STX11: variants seen among roughly 807,000 people sequenced by gnomAD.
The protein encoded by STX11 is syntaxin-11.
Under a neutral mutation model 19.9 loss-of-function variants are expected in STX11, and 21 were observed. The ratio of observed to expected loss-of-function variants is 1.06; its 90% CI spans 0.75 to 1.52. The LOEUF is 1.52. Ranked by LOEUF, STX11 falls within the 40% of genes most tolerant of loss-of-function variation. The pLI, the probability that STX11 is intolerant of heterozygous loss-of-function variation, is 0.00. For missense variants in STX11, 438 were observed against 405.9 expected (o/e 1.08, Z -0.68); for synonymous variants, 193 against 174.4 (o/e 1.11, Z -0.84).
chr6:144,149,180 A>T (rs373843366), upstream of STX11, among the ~76,000 whole-genome samples: 2 of 152,104 alleles, frequency 1.3e-5, no homozygotes, highest in Non-Finnish European at 2.9e-5. This position sits in a 1 kb window ranked among gnomAD's most constrained non-coding sequence, Gnocchi z 5.1. Context: ...TCCACATTGT[A>T]CTATTTTGGA....
chr6:144,187,151 A>C lies in STX11; in HGVS notation c.524A>C (p.Asp175Ala). Residue 175 changes from aspartate (D) to alanine (A), a missense_variant, in exon 2 of 2, where the codon GAC (aspartate) becomes GCC (alanine). Physicochemically the swap from Asp to Ala is moderately radical, Grantham distance 126. Coordinates refer to ENST00000367568, the MANE Select transcript of STX11 (RefSeq NM_003764.4). The surrounding 1 kb of genome is among the most constrained non-coding windows in gnomAD (Gnocchi z 5.6). ...LEIMGKEVSGDQIEDMFEQGK... is the reference protein window; with the variant it reads ...LEIMGKEVSGAQIEDMFEQGK... ...ATCATGGGCAAGGAAGTCTCGGGCGACCAGATCGAGGACATGTTCGAGCAG... is the reference window on the plus strand; with the variant it reads ...ATCATGGGCAAGGAAGTCTCGGGCGCCCAGATCGAGGACATGTTCGAGCAG... 6.2e-7 allele frequency: 1 copy of C among 1,613,972 alleles called. No homozygotes were observed. Among genetic ancestry groups the C allele is most frequent in the Non-Finnish European group, 8.5e-7 (1 of 1,180,000 alleles).
chr6:144,162,464 A>G lies in STX11; in HGVS notation c.-6+11761A>G, dbSNP rs1345122795. 6.6e-6 allele frequency among the ~76,000 whole-genome samples: 1 copy of G among 152,200 alleles called. No individual in the cohort carries two copies. The highest frequency in any genetic ancestry group is 1.5e-5 in the Non-Finnish European group (1 of 68,042). On this transcript the variant is annotated intron_variant, in intron 1 of 1. Transcript: ENST00000367568. The surrounding 1 kb of genome is among the most constrained non-coding windows in gnomAD (Gnocchi z 4.6). ...AAAGTTCCTTTAGTGGAGTTTTGGA[A>G]GGGAGCAAAAGTAATGTTCAATTTG...
intron 1 of STX11, among the ~76,000 whole-genome samples, chr6:144,166,253 G>A (rs188568076): frequency 2.0e-5 from 3 of 152,258 alleles, no homozygotes; most frequent in East Asian, 3.9e-4. Context: ...GATGTTCAAC[G>A]TATATGTAAT....
Position 144,151,051 on chromosome 6 carries a change from C to A in STX11, c.-6+348C>A, listed in dbSNP as rs1051270238. 2.6e-5 allele frequency among the ~76,000 whole-genome samples: 4 copies of A among 152,120 alleles called. No homozygotes were observed. Among genetic ancestry groups the A allele is most frequent in the Non-Finnish European group, 5.9e-5 (4 of 68,018 alleles). On this transcript the variant is annotated intron_variant, in intron 1 of 1. Transcript: ENST00000367568. The surrounding 1 kb of genome is among the most constrained non-coding windows in gnomAD (Gnocchi z 4.6). Reference sequence around the variant, plus strand: ...ACCCAAGACTACTTTTATTTTAAATCGAAAGGCTGGAGTGTTTTTTTATTA... The same window carrying A: ...ACCCAAGACTACTTTTATTTTAAATAGAAAGGCTGGAGTGTTTTTTTATTA...
intron 1 of STX11, among the ~76,000 whole-genome samples, chr6:144,164,450 AT>A (rs570703891): frequency 6.2e-4 from 94 of 152,342 alleles, no homozygotes; most frequent in Non-Finnish European, 9.8e-4. Flanking sequence ...CTGATAGTCT[AT>A]TCACAAGAGA....
chr6:144,148,081 C>G (rs75864894), upstream of STX11, among the ~76,000 whole-genome samples: 1 of 152,124 alleles, frequency 6.6e-6, no homozygotes, highest in African/African-American at 2.4e-5. Flanking sequence ...CTCAACAAAA[C>G]GGTAGATTAA....
In STX11 at chr6:144,174,696, AGT is replaced by A. The variant is rs1292708508; in HGVS notation, c.-5-11926_-5-11925del. Among the ~76,000 whole-genome samples, 1 of 152,174 alleles carries A rather than the reference AGT, an allele frequency of 6.6e-6. No individual in the cohort carries two copies. The highest frequency in any genetic ancestry group is 2.1e-4 in the South Asian group (1 of 4,836). On this transcript the variant is annotated intron_variant, in intron 1 of 1. Transcript: ENST00000367568. This position sits in a 1 kb window ranked among gnomAD's most constrained non-coding sequence, Gnocchi z 5.3. ...GTTTTTTTTGCACCCTTTCACAAAG[AGT>A]ATGTACAAATTCAAGGGGAAAGAAT... is the stretch of plus-strand genomic sequence containing the variant.
intron 1 of STX11, among the ~76,000 whole-genome samples, chr6:144,171,080 G>A (rs1761339734): frequency 6.6e-6 from 1 of 152,156 alleles, no homozygotes; most frequent in South Asian, 2.1e-4. Flanking sequence ...TGCCCTAACT[G>A]CTGAGAACCC....
Position 144,151,159 on chromosome 6 carries a change from C to A in STX11, c.-6+456C>A. The A allele has an allele frequency of 1.2e-6, 1 of 868,180 alleles. No homozygotes were observed. Among genetic ancestry groups the A allele is most frequent in the Non-Finnish European group, 1.4e-6 (1 of 722,972 alleles). The allele number at this position is 868,180 out of a possible 1,614,324, so 53.8% of individuals were successfully genotyped here. A position where few individuals can be genotyped will look rare whatever the true frequency, so the allele number is the denominator to read the frequency against. On this transcript the variant is annotated intron_variant, in intron 1 of 1. Transcript: ENST00000367568. The surrounding 1 kb of genome is among the most constrained non-coding windows in gnomAD (Gnocchi z 4.6). Reference sequence around the variant, plus strand: ...TTGACTTGAACTTGGCGGTGTCACTCAGTAGCCAGGAAAGACGGAGAAATT... The same window carrying A: ...TTGACTTGAACTTGGCGGTGTCACTAAGTAGCCAGGAAAGACGGAGAAATT...
the STX11 span, among the ~76,000 whole-genome samples, chr6:144,140,214 ATATATATATATATATAT>A: frequency 5.1e-3 from 432 of 85,124 alleles, 14 homozygotes; most frequent in African/African-American, 0.013. Flanking sequence ...ATTCACATAT[ATATATATATATATATAT>A]ATATATATAT....
At position 144,187,535 on chromosome 6, in the gene STX11, G is replaced by A. The variant is rs777687041; in HGVS notation, c.*44G>A. 8.7e-6 allele frequency: 14 copies of A among 1,610,778 alleles called. No homozygotes were observed. Among genetic ancestry groups the A allele is most frequent in the African/African-American group, 2.7e-5 (2 of 74,870 alleles). On this transcript the variant is annotated 3_prime_UTR_variant, in exon 2 of 2. Transcript: ENST00000367568. This position sits in a 1 kb window ranked among gnomAD's most constrained non-coding sequence, Gnocchi z 5.6. The stretch of plus-strand genomic sequence containing the variant: ...CACCGCCCATCCCAGACCATGGAGC[G>A]CGCTGGGAAGGACGCACCAAAGCCG...
intron 1 of STX11, among the ~76,000 whole-genome samples, chr6:144,178,496 C>T (rs1271781024): frequency 1.3e-5 from 2 of 152,204 alleles, no homozygotes; most frequent in Non-Finnish European, 2.9e-5. Context: ...GGCTGTTTAT[C>T]AACTGTGCAT....
At chr6:144,161,494 A>G (rs1343113357) in intron 1 of STX11, among the ~76,000 whole-genome samples, 1 of 152,020 alleles carries the variant, frequency 6.6e-6, no homozygotes, top group Non-Finnish European at 1.5e-5. Context: ...CAGCCTCCCT[A>G]GTAGCTAGGA....
rs11356106 is a variant in STX11, at chr6:144,188,725, CTTT to C, written c.*1251_*1253del. Among the ~76,000 whole-genome samples the C allele has an allele frequency of 6.3e-3, 746 of 117,884 alleles. 4 individuals carry two copies. Among genetic ancestry groups the C allele is most frequent in the African/African-American group, 0.024 (700 of 28,926 alleles). 77.3% of individuals were successfully genotyped at this position (117,884 alleles called of 152,430 possible). ...ATTATTGTTAAAATTTTTCTTTTTCCTTTTTTTTTTTTTTTTTTTGAGATGGAG... is the reference window on the plus strand; with the variant it reads ...ATTATTGTTAAAATTTTTCTTTTTCCTTTTTTTTTTTTTTTTGAGATGGAG... On this transcript the variant is annotated 3_prime_UTR_variant, in exon 2 of 2. Coordinates refer to ENST00000367568, the MANE Select transcript of STX11 (RefSeq NM_003764.4).
intron 1 of STX11, among the ~76,000 whole-genome samples, chr6:144,168,945 G>T (rs1450761995): frequency 6.6e-6 from 1 of 152,250 alleles, no homozygotes; most frequent in Non-Finnish European, 1.5e-5. Flanking sequence ...GAGCAGGACA[G>T]ATGTGAAGGA....
Position 144,187,614 on chromosome 6 carries a change from G to T in STX11, c.*123G>T. 137 of 1,231,354 alleles carry T rather than the reference G, an allele frequency of 1.1e-4. No individual in the cohort carries two copies. The highest frequency in any genetic ancestry group is 1.7e-4 in the East Asian group (6 of 35,940). 76.3% of individuals were successfully genotyped at this position (1,231,354 alleles called of 1,614,324 possible). A position where few individuals can be genotyped will look rare whatever the true frequency, so the allele number is the denominator to read the frequency against. On this transcript the variant is annotated 3_prime_UTR_variant, in exon 2 of 2. Transcript: ENST00000367568. The surrounding 1 kb of genome is among the most constrained non-coding windows in gnomAD (Gnocchi z 5.6). ...AACCCTTTCCGGAACTCAGTCTTTAGAAAAGAAACGCCAGGTTCAAGAATT... is the reference window on the plus strand; with the variant it reads ...AACCCTTTCCGGAACTCAGTCTTTATAAAAGAAACGCCAGGTTCAAGAATT...
chr6:144,161,867 A>C (rs1402377638), intron 1 of STX11, among the ~76,000 whole-genome samples: 1 of 152,152 alleles, frequency 6.6e-6, no homozygotes, highest in African/African-American at 2.4e-5. Context: ...TGGACCTCTA[A>C]GCTCCTTATC....
upstream of STX11, among the ~76,000 whole-genome samples, chr6:144,148,610 A>G (rs1800921597): frequency 6.6e-6 from 1 of 152,204 alleles, no homozygotes; most frequent in Admixed American, 6.5e-5. Flanking sequence ...TCTTATTACT[A>G]ATGAAAGTCC....
intron 1 of STX11, among the ~76,000 whole-genome samples, chr6:144,161,725 T>C (rs936450987): frequency 5.3e-5 from 8 of 152,160 alleles, no homozygotes; most frequent in East Asian, 3.9e-4. Context: ...CTATGGATAG[T>C]TTGTATTTCT....
Sources: gnomAD v4.1 joint callset for allele counts (sites outside exome capture counted in the v4.1 genomes callset) on GRCh38, gnomAD v4.1.1 for gene constraint, Gnocchi (gnomAD v3.1) non-coding constraint, MANE v1.5 for transcripts, NCBI Gene and HGNC (gene_info 2026-07-23, HGNC 2026-07-21) for gene names.